RABGAP1L: variants seen among roughly 807,000 people sequenced by gnomAD.
RABGAP1L encodes RAB GTPase activating protein 1 like.
RABGAP1L carries 63 observed loss-of-function variants against 137.7 expected under a neutral mutation model. The observed-to-expected ratio is 0.46, with a 90% confidence interval of 0.37 to 0.56. RABGAP1L has a LOEUF of 0.56. Among genes scored for constraint, RABGAP1L ranks in the 20% least tolerant of loss-of-function variants. The pLI is 0.00. For missense variants in RABGAP1L, 1,095 were observed against 1,244.0 expected, an observed-to-expected ratio of 0.88 and a Z score of 1.80; for synonymous variants, 431 against 433.7, an observed-to-expected ratio of 0.99 and a Z score of 0.08.
At chr1:174,314,677 G>A (rs1020401270) in intron 11 of RABGAP1L, among the ~76,000 whole-genome samples, 1 of 151,786 alleles carries the variant, frequency 6.6e-6, no homozygotes, top group Non-Finnish European at 1.5e-5. Flanking sequence ...GCTGGGTTTC[G>A]GTATGTTGTG....
chr1:174,708,416 T>C (rs927102721), intron 17 of RABGAP1L, among the ~76,000 whole-genome samples: 2 of 151,820 alleles, frequency 1.3e-5, no homozygotes, highest in Admixed American at 1.3e-4. Context: ...AGAGGGTGGG[T>C]GATTTCTGCA....
intron 13 of RABGAP1L, chr1:174,548,107 G>T: frequency 1.3e-5 from 20 of 1,536,278 alleles, no homozygotes; most frequent in Non-Finnish European, 1.8e-5. Context: ...TGCATGGGAG[G>T]TTGCAGTTTA....
At chr1:174,384,304 TG>T (rs1045581179) in intron 12 of RABGAP1L, among the ~76,000 whole-genome samples, 6 of 152,104 alleles carry the variant, frequency 3.9e-5, no homozygotes, top group Admixed American at 1.3e-4. Context: ...AATTTGGGTA[TG>T]GGGGGAATGA....
At chr1:174,953,825 A>G (rs1347826862) in intron 19 of RABGAP1L, among the ~76,000 whole-genome samples, 1 of 152,206 alleles carries the variant, frequency 6.6e-6, no homozygotes, top group Non-Finnish European at 1.5e-5. Context: ...AAAGGTCAGA[A>G]GGTTCTGCAG....
intron 20 of RABGAP1L, among the ~76,000 whole-genome samples, chr1:174,968,821 C>A (rs1023158101): frequency 2.6e-5 from 4 of 152,114 alleles, no homozygotes; most frequent in Non-Finnish European, 5.9e-5. Flanking sequence ...TCAATATGAA[C>A]CCTGTCTTAG....
chr1:174,320,121 G>A (rs750032778), intron 11 of RABGAP1L, among the ~76,000 whole-genome samples: 2 of 152,078 alleles, frequency 1.3e-5, no homozygotes, highest in Admixed American at 6.6e-5. Context: ...CAGAATGAAC[G>A]TATTTTGAGT....
rs563475437 is a variant in RABGAP1L at position 174,952,643 on chromosome 1, T to C, written c.2341-4814T>C. ...TCTCACTCTGTCACCTAGGCTGGAGTGCAGTGGCATGATTTTACCTCATTG... is the reference window on the plus strand; with the variant it reads ...TCTCACTCTGTCACCTAGGCTGGAGCGCAGTGGCATGATTTTACCTCATTG... On this transcript the variant is annotated intron_variant, in intron 19 of 25. Coordinates refer to ENST00000681986, the MANE Select transcript of RABGAP1L (RefSeq NM_001366446.1). 1.2e-3 allele frequency among the ~76,000 whole-genome samples: 186 copies of C among 152,232 alleles called. 2 individuals carry two copies. Among genetic ancestry groups the C allele is most frequent in the African/African-American group, 4.3e-3 (180 of 41,542 alleles).
chr1:174,672,803 A>G (rs1028546244), intron 14 of RABGAP1L, among the ~76,000 whole-genome samples: 1 of 152,130 alleles, frequency 6.6e-6, no homozygotes, highest in Non-Finnish European at 1.5e-5. Flanking sequence ...GTTTTATACT[A>G]CGGTTGGAGA....
At chr1:174,826,410 TG>T (rs1051238952) in intron 19 of RABGAP1L, among the ~76,000 whole-genome samples, 4 of 152,086 alleles carry the variant, frequency 2.6e-5, no homozygotes, top group African/African-American at 9.7e-5. Context: ...TTAGTAGAGA[TG>T]GGGTTTCACC....
At chr1:174,680,911 A>G (rs1030661409) in intron 14 of RABGAP1L, among the ~76,000 whole-genome samples, 1 of 152,192 alleles carries the variant, frequency 6.6e-6, no homozygotes, top group South Asian at 2.1e-4. Flanking sequence ...AACAAAAATC[A>G]GCAACACATA....
chr1:174,362,710 C>T (rs1227423954), intron 11 of RABGAP1L, among the ~76,000 whole-genome samples: 1 of 152,116 alleles, frequency 6.6e-6, no homozygotes, highest in Non-Finnish European at 1.5e-5. Context: ...CAAAAATGTT[C>T]TCCCATTCTG....
intron 18 of RABGAP1L, among the ~76,000 whole-genome samples, chr1:174,796,488 C>T (rs1688250274): frequency 6.6e-6 from 1 of 151,994 alleles, no homozygotes; most frequent in African/African-American, 2.4e-5. Flanking sequence ...AATCATTTTA[C>T]CTGATATTGA....
chr1:174,392,761 G>A (rs766826683), intron 12 of RABGAP1L, among the ~76,000 whole-genome samples: 31 of 152,134 alleles, frequency 2.0e-4, no homozygotes, highest in Non-Finnish European at 4.4e-4. Flanking sequence ...AGTGAAGCAG[G>A]TGGGAGGCCA....
chr1:174,512,135 CTG>C (rs1662405868), intron 13 of RABGAP1L, among the ~76,000 whole-genome samples: 1 of 152,096 alleles, frequency 6.6e-6, no homozygotes, highest in African/African-American at 2.4e-5. Flanking sequence ...GAATAATAAA[CTG>C]ATCTTATTTC....
intron 14 of RABGAP1L, among the ~76,000 whole-genome samples, chr1:174,662,560 A>AT (rs1336498238): frequency 6.6e-6 from 1 of 151,434 alleles, no homozygotes; most frequent in Non-Finnish European, 1.5e-5. Context: ...CACCTGGCTA[A>AT]TTTTTGTATT....
intron 14 of RABGAP1L, among the ~76,000 whole-genome samples, chr1:174,659,702 T>C (rs753526975): frequency 8.5e-5 from 13 of 152,240 alleles, no homozygotes; most frequent in African/African-American, 2.4e-4. Flanking sequence ...TTCAAACTTA[T>C]ATATTCAATT....
At chr1:174,775,231 C>T (rs1686428909) in intron 18 of RABGAP1L, among the ~76,000 whole-genome samples, 1 of 151,966 alleles carries the variant, frequency 6.6e-6, no homozygotes, top group African/African-American at 2.4e-5. Flanking sequence ...CACTTAGCTG[C>T]AAGGGAACTA....
At chr1:174,741,076 A>G (rs937787070) in intron 17 of RABGAP1L, among the ~76,000 whole-genome samples, 1 of 106,714 alleles carries the variant, frequency 9.4e-6, no homozygotes, top group Non-Finnish European at 2.1e-5. Context: ...GGAGCTTTTT[A>G]GTTTAATTAA....
intron 13 of RABGAP1L, among the ~76,000 whole-genome samples, chr1:174,595,750 C>G (rs1358752852): frequency 2.7e-5 from 2 of 73,904 alleles, no homozygotes; most frequent in African/African-American, 1.6e-4. Flanking sequence ...AACCACTGCT[C>G]TCTTCAAAGC....
Sources: allele counts gnomAD v4.1 joint callset (sites outside exome capture counted in the v4.1 genomes callset), GRCh38; gene constraint gnomAD v4.1.1; transcripts MANE v1.5; gene names NCBI Gene and HGNC (gene_info 2026-07-23, HGNC 2026-07-21).